CEP135: variants seen among roughly 807,000 people sequenced by gnomAD.
CEP135 encodes centrosomal protein 135, also known as centrosomal protein of 135 kDa.
A neutral mutation model predicts 157.3 loss-of-function variants in CEP135; 142 were observed. That is an observed-to-expected ratio of 0.90 (90% CI 0.79 to 1.04). The LOEUF (loss-of-function observed/expected upper bound fraction) is 1.04, where lower values mean the gene tolerates loss of function less well. Ranked by LOEUF, CEP135 falls within the 50% of genes least tolerant of loss-of-function variation. The probability of loss-of-function intolerance (pLI) is 0.00; values close to 1 mark genes in which losing one functional copy is unlikely to be tolerated. For synonymous variants in CEP135, 396 were observed against 439.8 expected (o/e 0.90, Z 1.25); for missense variants, 1,317 against 1,309.2 (o/e 1.01, Z -0.09).
chr4:55,956,834 G>A (rs185329347), intron 4 of CEP135, among the ~76,000 whole-genome samples: 1 of 152,144 alleles, frequency 6.6e-6, no homozygotes, highest in East Asian at 1.9e-4. Flanking sequence ...GCTTGGTCTC[G>A]AACTCCCAAC....
intron 8 of CEP135, among the ~76,000 whole-genome samples, chr4:55,966,946 C>T (rs1250434984): frequency 1.3e-5 from 2 of 151,924 alleles, no homozygotes; most frequent in African/African-American, 4.8e-5. Flanking sequence ...TTTCATTGTT[C>T]TTTTAATTAT....
intron 21 of CEP135, among the ~76,000 whole-genome samples, chr4:56,016,266 C>G (rs1043687561): frequency 4.6e-5 from 7 of 152,122 alleles, no homozygotes; most frequent in Non-Finnish European, 1.0e-4. Context: ...TTTTGGACTT[C>G]CAGCCTCCAG....
At chr4:55,977,002 T>G (rs1036195499) in intron 11 of CEP135, among the ~76,000 whole-genome samples, 8 of 151,992 alleles carry the variant, frequency 5.3e-5, no homozygotes, top group Non-Finnish European at 2.9e-5. Flanking sequence ...TTGTATTTTT[T>G]GTAGAGATAG....
At chr4:56,022,374 A>G (rs1368992124) in intron 24 of CEP135, among the ~76,000 whole-genome samples, 1 of 152,036 alleles carries the variant, frequency 6.6e-6, no homozygotes, top group South Asian at 2.1e-4. Flanking sequence ...CAAGGGAAAA[A>G]ATTGTTTCTT....
Position 55,953,268 on chromosome 4 carries a change from C to T in CEP135, c.297C>T (p.His99=), listed in dbSNP as rs115408010. 8.6e-4 allele frequency: 1,304 copies of T among 1,508,172 alleles called. 5 individuals are homozygous for T. The African/African-American group carries it at 9.9e-3, about 11-fold the overall frequency. 93.4% of individuals were successfully genotyped at this position (1,508,172 alleles called of 1,614,324 possible). ...AACTGAGAGAACATTCAGACCAACACGTTAAAGGTAAGTGAAAATTTGATA... is the reference window on the plus strand; with the variant it reads ...AACTGAGAGAACATTCAGACCAACATGTTAAAGGTAAGTGAAAATTTGATA... ...LMKLREHSDQ[H]VKELKTSLKK... The change falls in exon 3 of 26, where the codon CAC becomes CAT. Residue 99 remains histidine, a synonymous_variant. Coordinates refer to ENST00000257287, the MANE Select transcript of CEP135 (RefSeq NM_025009.5).
At chr4:56,017,342 A>G (rs1730810519) in intron 21 of CEP135, among the ~76,000 whole-genome samples, 1 of 152,134 alleles carries the variant, frequency 6.6e-6, no homozygotes, top group African/African-American at 2.4e-5. Context: ...GAAAAATTTA[A>G]TGCAACCTCA....
At chr4:56,024,477 C>G (rs764703222) in intron 24 of CEP135, 24 bp from the exon 25 acceptor site, 81 of 1,572,928 alleles carry the variant, frequency 5.1e-5, no homozygotes, top group Admixed American at 1.8e-4. Flanking sequence ...GAATATATCT[C>G]TCTTGTTTGA....
At chr4:55,951,890 G>A (rs1356613859) in intron 1 of CEP135, among the ~76,000 whole-genome samples, 196 bp from the exon 2 acceptor site, 1 of 152,128 alleles carries the variant, frequency 6.6e-6, no homozygotes, top group Non-Finnish European at 1.5e-5. Context: ...ACATTTAGTT[G>A]TATGAGGAAG....
intron 17 of CEP135, among the ~76,000 whole-genome samples, chr4:56,006,733 T>C (rs991260940): frequency 5.3e-5 from 8 of 152,336 alleles, no homozygotes; most frequent in African/African-American, 1.9e-4. Flanking sequence ...AGAGCTCAGG[T>C]GTCACTGTCT....
At chr4:55,977,797 T>C (rs1477645461) in intron 11 of CEP135, among the ~76,000 whole-genome samples, 1 of 152,228 alleles carries the variant, frequency 6.6e-6, no homozygotes, top group Non-Finnish European at 1.5e-5. Flanking sequence ...ACTGAAACTA[T>C]GCCCTTTGAT....
chr4:55,990,728 C>G (rs146840053), intron 14 of CEP135, among the ~76,000 whole-genome samples: 16 of 152,270 alleles, frequency 1.1e-4, no homozygotes, highest in African/African-American at 3.6e-4. Flanking sequence ...GTCTCGAGCT[C>G]CTGGCCTCAA....
At chr4:55,949,253 C>A (rs551070395) in intron 1 of CEP135, among the ~76,000 whole-genome samples, 194 bp downstream of exon 1, 1 of 152,194 alleles carries the variant, frequency 6.6e-6, no homozygotes. Context: ...TCCCACACCC[C>A]CTTCCCGTCA....
At chr4:56,019,083 G>A (rs953184557) in intron 22 of CEP135, among the ~76,000 whole-genome samples, 5 of 152,046 alleles carry the variant, frequency 3.3e-5, no homozygotes, top group Admixed American at 6.6e-5. Flanking sequence ...CTTAATGACC[G>A]TCTCTTGATA....
rs545996900 is a variant in CEP135 at position 55,997,802 on chromosome 4, C to T, written c.2010-1500C>T. ...ATGAGCTAATATGTACAAAGTACCA[C>T]TCTCTGTTGTTATATCCCATGGAAC... On this transcript the variant is annotated intron_variant, in intron 15 of 25. Transcript: ENST00000257287. 5.9e-5 allele frequency among the ~76,000 whole-genome samples: 9 copies of T among 152,246 alleles called. No homozygotes were observed. In the South Asian group the frequency reaches 6.2e-4, roughly 11 times the overall value.
In CEP135 at chr4:55,953,170, GTT is replaced by G; in HGVS notation, c.202_203del (p.Leu68GlyfsTer4). On this transcript the variant is annotated frameshift_variant, in exon 3 of 26. Transcript: ENST00000257287. LOFTEE classifies it high-confidence loss of function. ...AAAAGAAAGTGCCAATTTTGATTTT[GTT>G]TTGGAACCCTATAAACTTGAAAATG... ...AEKESANFDFVLEPYKLENAR... is the reference protein window; with the variant it reads ...AEKESANFDFXLEPYKLENAR... The G allele has an allele frequency of 1.2e-6, 2 of 1,608,726 alleles. No homozygotes were observed. Among genetic ancestry groups the G allele is most frequent in the Non-Finnish European group, 1.7e-6 (2 of 1,178,452 alleles).
intron 14 of CEP135, 25 bp from the exon 15 acceptor site, chr4:55,991,909 T>A: frequency 8.1e-7 from 1 of 1,229,918 alleles, no homozygotes; most frequent in Non-Finnish European, 1.1e-6. Context: ...GATATATACC[T>A]ACTGTTTTTT....
intron 25 of CEP135, among the ~76,000 whole-genome samples, chr4:56,029,297 T>C (rs1731258629): frequency 6.6e-6 from 1 of 152,214 alleles, no homozygotes; most frequent in South Asian, 2.1e-4. Flanking sequence ...TAGCCATTCA[T>C]GATCAATTCA....
intron 10 of CEP135, among the ~76,000 whole-genome samples, chr4:55,973,277 A>AG (rs1359925043): frequency 6.6e-6 from 1 of 152,208 alleles, no homozygotes; most frequent in Non-Finnish European, 1.5e-5. Context: ...CAGACTGCTC[A>AG]GCGCTGTATG....
At chr4:55,957,560 A>G (rs1052195572) in intron 5 of CEP135, among the ~76,000 whole-genome samples, 196 bp downstream of exon 5, 2 of 152,220 alleles carry the variant, frequency 1.3e-5, no homozygotes, top group African/African-American at 4.8e-5. Context: ...GATCAAATGG[A>G]TCATATATCT....
Sources: allele counts gnomAD v4.1 joint callset (sites outside exome capture counted in the v4.1 genomes callset), GRCh38; gene constraint gnomAD v4.1.1; transcripts MANE v1.5; gene names NCBI Gene and HGNC (gene_info 2026-07-23, HGNC 2026-07-21).